The following KLF12 variants were observed in gnomAD, a reference collection of about 807,000 sequenced individuals.
KLF12 encodes the protein Krueppel-like factor 12.
In KLF12, 9 loss-of-function variants were observed where a neutral mutation model predicts 37.8. The ratio of observed to expected loss-of-function variants is 0.24; its 90% CI spans 0.14 to 0.42. The LOEUF is 0.42. KLF12 is among the 10% of genes least tolerant of loss of function. The pLI, the probability that KLF12 is intolerant of heterozygous loss-of-function variation, is 1.00. For missense variants in KLF12, 411 were observed against 516.0 expected (o/e 0.80, Z 1.97); for synonymous variants, 208 against 202.1 (o/e 1.03, Z -0.25).
At chr13:73,967,657 T>C (rs769408326) in intron 2 of KLF12, among the ~76,000 whole-genome samples, 1 of 152,198 alleles carries the variant, frequency 6.6e-6, no homozygotes, top group Admixed American at 6.5e-5. Context: ...GCCTCACTTA[T>C]ACAGCATTCT....
At chr13:74,034,265 C>T (rs950078893) in intron 1 of KLF12, among the ~76,000 whole-genome samples, 14 of 151,934 alleles carry the variant, frequency 9.2e-5, no homozygotes, top group East Asian at 1.9e-4. Context: ...GATGGGTTTT[C>T]GCCATGTTGG....
chr13:73,975,642 T>C (rs1261709870), intron 2 of KLF12, among the ~76,000 whole-genome samples: 1 of 152,142 alleles, frequency 6.6e-6, no homozygotes, highest in East Asian at 1.9e-4. Flanking sequence ...CACACCTTCT[T>C]AGGTTATAAG....
chr13:74,145,751 G>A, the KLF12 span, among the ~76,000 whole-genome samples: 2 of 152,142 alleles, frequency 1.3e-5, no homozygotes, highest in South Asian at 2.1e-4. Context: ...AAGGAGACAT[G>A]TAATTCTCTG....
chr13:74,016,198 G>C (rs1345187493), intron 1 of KLF12, among the ~76,000 whole-genome samples: 1 of 152,062 alleles, frequency 6.6e-6, no homozygotes, highest in Non-Finnish European at 1.5e-5. Flanking sequence ...CCTCCCAAGA[G>C]ATAGCCAAAT....
At chr13:73,807,113 G>C (rs1258122394) in intron 5 of KLF12, among the ~76,000 whole-genome samples, 1 of 152,098 alleles carries the variant, frequency 6.6e-6, no homozygotes, top group African/African-American at 2.4e-5. Context: ...TTCGAGACTA[G>C]CCTGGCCAAC....
chr13:73,943,528 C>T (rs1890284323), intron 3 of KLF12, among the ~76,000 whole-genome samples: 1 of 152,202 alleles, frequency 6.6e-6, no homozygotes, highest in South Asian at 2.1e-4. Context: ...AGTACTCCTA[C>T]AGTAAGAAAG....
chr13:73,859,611 G>A (rs757563009), intron 3 of KLF12, among the ~76,000 whole-genome samples: 2 of 152,092 alleles, frequency 1.3e-5, no homozygotes, highest in Non-Finnish European at 2.9e-5. Context: ...TAAATTTAAT[G>A]GCATGATGCA....
chr13:74,289,613 G>A, the KLF12 span, among the ~76,000 whole-genome samples: 1 of 152,074 alleles, frequency 6.6e-6, no homozygotes, highest in Admixed American at 6.5e-5. Context: ...GAGGTAGAAA[G>A]TAATAGGTAA....
chr13:73,948,260 C>T (rs1890515988), intron 2 of KLF12, among the ~76,000 whole-genome samples: 1 of 151,950 alleles, frequency 6.6e-6, no homozygotes, highest in Admixed American at 6.6e-5. Context: ...CCCACTCTAT[C>T]ACCCAGGCTG....
At chr13:74,008,663 T>C (rs1057249849) in intron 1 of KLF12, among the ~76,000 whole-genome samples, 1 of 152,252 alleles carries the variant, frequency 6.6e-6, no homozygotes, top group Non-Finnish European at 1.5e-5. Context: ...TCCTCATTTA[T>C]GAAATTAAGG....
chr13:73,806,116 CTTT>C (rs372137417), intron 5 of KLF12, among the ~76,000 whole-genome samples: 2 of 139,100 alleles, frequency 1.4e-5, no homozygotes, highest in African/African-American at 2.7e-5. Flanking sequence ...TTTTTTCTTT[CTTT>C]TTTTTTTTTT....
intron 2 of KLF12, among the ~76,000 whole-genome samples, chr13:73,956,672 G>C (rs1211976518): frequency 6.6e-6 from 1 of 152,102 alleles, no homozygotes; most frequent in Non-Finnish European, 1.5e-5. Context: ...TGTAATCCCA[G>C]CACCTTGGGA....
At position 73,704,073 on chromosome 13, in the gene KLF12, G is replaced by C. The variant is rs533698975; in HGVS notation, c.1028-8402C>G. On this transcript the variant is annotated intron_variant, in intron 7 of 7. Coordinates refer to ENST00000377669, the MANE Select transcript of KLF12 (RefSeq NM_007249.5). ...GTGACCTTTCTTTTCCTATGTGACT[G>C]GTTACTTTTTCCTTGGTTTCTTTTG... is the stretch of plus-strand genomic sequence containing the variant. Among the ~76,000 whole-genome samples, 6 of 152,220 alleles carry C rather than the reference G, an allele frequency of 3.9e-5. No individual in the cohort carries two copies. The South Asian group carries it at 1.2e-3, about 32-fold the overall frequency.
At chr13:73,819,888 C>T (rs763259100) in intron 4 of KLF12, among the ~76,000 whole-genome samples, 2 of 152,096 alleles carry the variant, frequency 1.3e-5, no homozygotes, top group Non-Finnish European at 2.9e-5. Flanking sequence ...GAGAAGATAA[C>T]AGGTGCACAG....
intron 1 of KLF12, among the ~76,000 whole-genome samples, chr13:74,035,548 G>T (rs1427726000): frequency 6.6e-6 from 1 of 152,152 alleles, no homozygotes; most frequent in African/African-American, 2.4e-5. Context: ...TCATTTGTTT[G>T]TTTTTAAATG....
chr13:74,179,116 G>T, the KLF12 span, among the ~76,000 whole-genome samples: 3 of 152,200 alleles, frequency 2.0e-5, no homozygotes, highest in African/African-American at 4.8e-5. Context: ...TAGGCTGCGA[G>T]CCTGGACCAT....
At chr13:73,780,594 C>T (rs1276213528) in intron 5 of KLF12, among the ~76,000 whole-genome samples, 1 of 152,126 alleles carries the variant, frequency 6.6e-6, no homozygotes, top group African/African-American at 2.4e-5. Flanking sequence ...ATTCTCCTGC[C>T]TCAGCCTCTG....
chr13:74,221,392 AT>A, the KLF12 span, among the ~76,000 whole-genome samples: 3 of 150,216 alleles, frequency 2.0e-5, no homozygotes, highest in African/African-American at 2.4e-5. Flanking sequence ...TGGTCTATGT[AT>A]TTTTTTTTCT....
At chr13:73,853,307 T>A (rs531842820) in intron 3 of KLF12, among the ~76,000 whole-genome samples, 2 of 152,328 alleles carry the variant, frequency 1.3e-5, no homozygotes, top group South Asian at 4.1e-4. Flanking sequence ...TCATAAATCA[T>A]ATTATTTACC....
Sources: gnomAD v4.1 joint callset for allele counts (sites outside exome capture counted in the v4.1 genomes callset) on GRCh38, gnomAD v4.1.1 for gene constraint, MANE v1.5 for transcripts, NCBI Gene and HGNC (gene_info 2026-07-23, HGNC 2026-07-21) for gene names.